HAL: variants seen among roughly 807,000 people sequenced by gnomAD.
HAL encodes the protein histidine ammonia-lyase, also known as histidase.
HAL carries 85 observed loss-of-function variants against 81.1 expected under a neutral mutation model. The observed-to-expected ratio is 1.05, with a 90% CI of 0.88 to 1.25. The LOEUF (loss-of-function observed/expected upper bound fraction) is 1.25. Ranked by LOEUF, HAL falls within the 50% of genes most tolerant of loss-of-function variation. HAL has a pLI of 0.00. For missense variants in HAL, 798 were observed against 836.6 expected, an observed-to-expected ratio of 0.95 and a Z score of 0.57; for synonymous variants, 301 against 309.2, an observed-to-expected ratio of 0.97 and a Z score of 0.28.
In HAL at chr12:95,978,074, A is replaced by T. The variant is rs1183868230; in HGVS notation, c.1524T>A (p.Ser508=). The change falls in exon 18 of 21, where the codon TCT becomes TCA. Residue 508 remains serine, a synonymous_variant. Coordinates refer to ENST00000261208, the MANE Select transcript of HAL (RefSeq NM_002108.4). ...AGGGATGGCACAGAGCCTTGTTCTC[A>T]GAAACTGCAAGAGACCAGTGCCAGT... is the stretch of plus-strand genomic sequence containing the variant. The part of the protein sequence containing the change: ...IAHCTAAALV[S]ENKALCHPSS... 1 of 1,613,228 alleles carries T rather than the reference A, an allele frequency of 6.2e-7. No individual in the cohort carries two copies. The highest frequency in any genetic ancestry group is 8.5e-7 in the Non-Finnish European group (1 of 1,179,274).
chr12:95,976,327 G>A, intron 20 of HAL, 102 bp downstream of exon 20: 1 of 947,558 alleles, frequency 1.1e-6, no homozygotes, highest in Non-Finnish European at 1.7e-6. Context: ...CATTCCCAAG[G>A]AATGGCCAGA....
chr12:95,980,969 G>A (rs2080787844), intron 15 of HAL, 106 bp from the exon 16 acceptor site: 3 of 786,778 alleles, frequency 3.8e-6, no homozygotes, highest in Non-Finnish European at 4.6e-6. Context: ...GTGTACAAAT[G>A]TGGGGTGGAG....
chr12:95,975,963 C>G (rs150980863), intron 20 of HAL: 3 of 241,316 alleles, frequency 1.2e-5, no homozygotes, highest in African/African-American at 6.8e-5. Flanking sequence ...AAGAAAAACC[C>G]GCATCTCACC....
chr12:95,989,962 T>A, intron 10 of HAL: 1 of 233,258 alleles, frequency 4.3e-6, no homozygotes, highest in Non-Finnish European at 8.5e-6. Flanking sequence ...ACAGGCTTTT[T>A]TGATTAGCCA....
intron 18 of HAL, among the ~76,000 whole-genome samples, chr12:95,977,642 CA>C (rs60410496): frequency 2.2e-4 from 22 of 99,918 alleles, no homozygotes; most frequent in South Asian, 6.4e-4. Context: ...GATCCTGCCT[CA>C]AAAAAAAAAA....
At chr12:95,985,685 AAAAC>A (rs576932014) in intron 14 of HAL, among the ~76,000 whole-genome samples, 31 of 152,118 alleles carry the variant, frequency 2.0e-4, no homozygotes, top group African/African-American at 6.5e-4. Flanking sequence ...CAATCAAAAG[AAAAC>A]AAATAGTTCA....
At chr12:95,985,323 G>A (rs772113365) in intron 14 of HAL, among the ~76,000 whole-genome samples, 16 of 152,072 alleles carry the variant, frequency 1.1e-4, no homozygotes, top group African/African-American at 2.9e-4. Context: ...GGCCGGGGAC[G>A]GTCCTCACGC....
chr12:95,995,570 G>A lies in HAL; in HGVS notation c.247+94C>T, dbSNP rs1159306920. On this transcript the variant is annotated intron_variant, in intron 2 of 20. Coordinates refer to ENST00000261208, the MANE Select transcript of HAL (RefSeq NM_002108.4). ...GCCAGCCTCGGCAAGCCTGACCTCT[G>A]CTCATCATTTTCCCTGAGGTGGGGG... is the stretch of plus-strand genomic sequence containing the variant. The A allele has an allele frequency of 5.2e-6, 8 of 1,549,136 alleles. No homozygotes were observed. The East Asian group carries it at 1.1e-4, about 22-fold the overall frequency.
Position 95,996,099 on chromosome 12 carries a change from T to G in HAL, c.-103A>C. 1.6e-6 allele frequency: 1 copy of G among 637,878 alleles called. No homozygotes were observed. Among genetic ancestry groups the G allele is most frequent in the Non-Finnish European group, 2.8e-6 (1 of 357,736 alleles). The allele number at this position is 637,878 out of a possible 1,614,324, so 39.5% of individuals were successfully genotyped here. A position where few individuals can be genotyped will look rare whatever the true frequency, so the allele number is the denominator to read the frequency against. The stretch of plus-strand genomic sequence containing the variant: ...GTACCTGCTGTCCCTTTGGTTTTTG[T>G]AGCCGAGCAGGGGCAGGAGCAGGGG... On this transcript the variant is annotated 5_prime_UTR_variant, in exon 1 of 21. Coordinates refer to ENST00000261208, the MANE Select transcript of HAL (RefSeq NM_002108.4).
chr12:95,984,967 G>T (rs1229313195), intron 14 of HAL, among the ~76,000 whole-genome samples: 2 of 152,142 alleles, frequency 1.3e-5, no homozygotes, highest in Non-Finnish European at 2.9e-5. Context: ...CCAAAATATG[G>T]TTTATTGAGA....
At chr12:95,987,595 C>CT (rs1309150818) in intron 11 of HAL, among the ~76,000 whole-genome samples, 1 of 152,182 alleles carries the variant, frequency 6.6e-6, no homozygotes, top group African/African-American at 2.4e-5. Context: ...AGACTCTTAG[C>CT]TTAGAGCATT....
At chr12:95,989,234 C>T (rs1194266753) in intron 10 of HAL, among the ~76,000 whole-genome samples, 8 of 152,202 alleles carry the variant, frequency 5.3e-5, no homozygotes, top group Non-Finnish European at 1.5e-5. Context: ...CAGGCTAGAG[C>T]GAGCACAGTG....
intron 17 of HAL, 47 bp from the exon 18 acceptor site, chr12:95,978,125 C>CACT: frequency 1.3e-6 from 2 of 1,538,164 alleles, no homozygotes; most frequent in Non-Finnish European, 1.8e-6. Context: ...ACAGGATGAG[C>CACT]TGTCTAAAGG....
Position 95,986,159 on chromosome 12 carries a change from G to A in HAL, c.1053C>T (p.Asp351=), listed in dbSNP as rs750261325. The A allele has an allele frequency of 2.6e-6, 4 of 1,558,120 alleles. No homozygotes were observed. In the Admixed American group the frequency reaches 6.7e-5, roughly 26 times the overall value. ...CACGGTGAGGTCGAAGAGCATGAAT[G>A]TCTAGAATTGATGAAGGAGAAAAAG... ...LKGTTKAFDT[D]IHALRPHRGQ... The change falls in exon 13 of 21, where the codon GAC becomes GAT. Residue 351 remains aspartate (D), a splice_region_variant and synonymous_variant. Coordinates refer to ENST00000261208, the MANE Select transcript of HAL (RefSeq NM_002108.4).
In HAL at chr12:95,987,198, T is replaced by C. The variant is rs967108866; in HGVS notation, c.920A>G (p.Asn307Ser). ...LKPKEGLALI[N>S]GTQMITSLGC... ...CAGGGATGTGATCATCTGCGTCCCA[T>C]TGATGAGTGCCAGGCCCTGTCGGGG... is the stretch of plus-strand genomic sequence containing the variant. Residue 307 changes from asparagine to serine, a missense_variant, in exon 12 of 21, where the codon AAT becomes AGT. Transcript: ENST00000261208. The C allele has an allele frequency of 6.2e-7, 1 of 1,613,786 alleles. No homozygotes were observed. Among genetic ancestry groups the C allele is most frequent in the Non-Finnish European group, 8.5e-7 (1 of 1,179,680 alleles).
intron 13 of HAL, 32 bp downstream of exon 13, chr12:95,986,033 C>T (rs1380964942): frequency 1.3e-6 from 2 of 1,560,230 alleles, no homozygotes; most frequent in East Asian, 2.2e-5. Flanking sequence ...AACACGTAAC[C>T]AAATAGGTCA....
At position 95,995,682 on chromosome 12, in the gene HAL, T is replaced by C. The variant is rs1441455304; in HGVS notation, c.229A>G (p.Asn77Asp). The change falls in exon 2 of 21, where the codon AAC becomes GAC. Residue 77 changes from asparagine (N) to aspartate (D), a missense_variant. Asn to Asp is a conservative substitution (Grantham distance 23, BLOSUM62 1). Coordinates refer to ENST00000261208, the MANE Select transcript of HAL (RefSeq NM_002108.4). ...EDRLEVALEN[N>D]EFVEVVIEGD... ...CACTCACCCACTTCCACGAACTCGT[T>C]GTTCTCTAGGGCCACCTCGAGCCGG... 6.2e-7 allele frequency: 1 copy of C among 1,613,348 alleles called. No individual in the cohort carries two copies. Among genetic ancestry groups the C allele is most frequent in the Non-Finnish European group, 8.5e-7 (1 of 1,180,010 alleles).
chr12:95,974,283 C>T lies in HAL; in HGVS notation c.1923G>A (p.Leu641=), dbSNP rs1470061021. The T allele has an allele frequency of 6.2e-7, 1 of 1,613,558 alleles. No individual in the cohort carries two copies. Among genetic ancestry groups the T allele is most frequent in the South Asian group, 1.1e-5 (1 of 91,052 alleles). ...TGGTGGATTTCTTGTGCAGAAATTG[C>T]AGTGAAAAGGCTGTTGGAGAAAGAG... ...SRPLSPTAFS[L]QFLHKKSTKI... Residue 641 remains leucine, a synonymous_variant, in exon 21 of 21, where the codon CTG becomes CTA. Coordinates refer to ENST00000261208, the MANE Select transcript of HAL (RefSeq NM_002108.4).
chr12:95,975,194 A>G (rs2080701513), intron 20 of HAL, among the ~76,000 whole-genome samples: 1 of 152,204 alleles, frequency 6.6e-6, no homozygotes, highest in Admixed American at 6.5e-5. Flanking sequence ...ATCACCTGGG[A>G]CAAGTCAGAA....
Sources: gnomAD v4.1 joint callset for allele counts (sites outside exome capture counted in the v4.1 genomes callset) on GRCh38, gnomAD v4.1.1 for gene constraint, MANE v1.5 for transcripts, NCBI Gene and HGNC (gene_info 2026-07-23, HGNC 2026-07-21) for gene names.